PLCL1: variants seen among roughly 807,000 people sequenced by gnomAD.
PLCL1 encodes inactive phospholipase C-like protein 1.
A neutral mutation model predicts 84.4 loss-of-function variants in PLCL1; 41 were observed. The observed-to-expected ratio is 0.49, with a 90% confidence interval of 0.38 to 0.63. The LOEUF is 0.63. PLCL1 is among the 30% of genes least tolerant of loss of function. The probability of loss-of-function intolerance (pLI) is 0.00; values close to 1 mark genes in which losing one functional copy is unlikely to be tolerated. For synonymous variants in PLCL1, 490 were observed against 488.3 expected, an observed-to-expected ratio of 1.00 and a Z score of -0.05; for missense variants, 1,206 against 1,367.8, an observed-to-expected ratio of 0.88 and a Z score of 1.87.
At chr2:198,123,671 C>A (rs1009861858) in intron 5 of PLCL1, among the ~76,000 whole-genome samples, 5 of 152,100 alleles carry the variant, frequency 3.3e-5, no homozygotes, top group Admixed American at 6.5e-5. Context: ...ACAGAGCAAA[C>A]CTCGCTCCGT....
chr2:197,989,669 A>G lies in PLCL1; in HGVS notation c.241-94089A>G, dbSNP rs1330995619. Among the ~76,000 whole-genome samples, 4 of 152,084 alleles carry G rather than the reference A, an allele frequency of 2.6e-5. No homozygotes were observed. In the East Asian group the frequency reaches 7.7e-4, roughly 29 times the overall value. On this transcript the variant is annotated intron_variant, in intron 1 of 5. Transcript: ENST00000428675. ...CTGTGAGCTGAGATCGCACCATTGCACTCCAGCCTGGGCAACAGAGTGAGA... is the reference window on the plus strand; with the variant it reads ...CTGTGAGCTGAGATCGCACCATTGCGCTCCAGCCTGGGCAACAGAGTGAGA...
At chr2:197,979,724 T>G (rs1018759957) in intron 1 of PLCL1, among the ~76,000 whole-genome samples, 7 of 152,220 alleles carry the variant, frequency 4.6e-5, no homozygotes, top group Non-Finnish European at 1.0e-4. Flanking sequence ...CCAGCCACAT[T>G]GAGATTTTCA....
chr2:197,974,907 C>T (rs7563170), intron 1 of PLCL1, among the ~76,000 whole-genome samples: 72,732 of 151,672 alleles, frequency 0.48, 17,850 homozygotes, highest in Middle Eastern at 0.58. Flanking sequence ...TTTGGGAGGC[C>T]GAGGCGGGTG....
intron 1 of PLCL1, among the ~76,000 whole-genome samples, chr2:197,919,479 C>G (rs1688665339): frequency 6.6e-6 from 1 of 152,226 alleles, no homozygotes; most frequent in African/African-American, 2.4e-5. Context: ...ACCTCCTTGA[C>G]AATTCTAATG....
intron 1 of PLCL1, among the ~76,000 whole-genome samples, chr2:197,887,625 C>A (rs941843775): frequency 6.6e-6 from 1 of 152,036 alleles, no homozygotes; most frequent in African/African-American, 2.4e-5. Context: ...TTCAGAGGTA[C>A]AAGCACAGTT....
chr2:197,936,894 C>T (rs1422828733), intron 1 of PLCL1, among the ~76,000 whole-genome samples: 2 of 152,078 alleles, frequency 1.3e-5, no homozygotes. Flanking sequence ...GTGTTTTCTG[C>T]TAGTAGTTTT....
intron 1 of PLCL1, among the ~76,000 whole-genome samples, chr2:197,933,144 ATTCT>A (rs1444657956): frequency 2.0e-5 from 3 of 151,864 alleles, no homozygotes; most frequent in Non-Finnish European, 4.4e-5. Context: ...ATCCTAGTTG[ATTCT>A]TAATTATTCA....
At chr2:197,817,708 G>A (rs561716851) in intron 1 of PLCL1, among the ~76,000 whole-genome samples, 1 of 152,224 alleles carries the variant, frequency 6.6e-6, no homozygotes, top group East Asian at 1.9e-4. Flanking sequence ...TAGCTGTTAA[G>A]CTTGACCAGT....
chr2:197,891,988 G>A (rs1293899749), intron 1 of PLCL1, among the ~76,000 whole-genome samples: 1 of 152,128 alleles, frequency 6.6e-6, no homozygotes, highest in Non-Finnish European at 1.5e-5. Context: ...TTCTTTACAC[G>A]TGAGTGTGCT....
chr2:197,814,659 G>A (rs1398536230), intron 1 of PLCL1, among the ~76,000 whole-genome samples: 4 of 152,198 alleles, frequency 2.6e-5, no homozygotes, highest in African/African-American at 9.6e-5. Flanking sequence ...GAGATAGGCT[G>A]AAAGGTAGGC....
intron 1 of PLCL1, among the ~76,000 whole-genome samples, chr2:197,866,579 G>C (rs931967965): frequency 1.3e-5 from 2 of 151,994 alleles, no homozygotes; most frequent in Non-Finnish European, 2.9e-5. Flanking sequence ...GTTCATTCTA[G>C]GGAATTAATA....
chr2:198,088,254 A>G (rs1445540310), intron 2 of PLCL1, among the ~76,000 whole-genome samples: 1 of 152,222 alleles, frequency 6.6e-6, no homozygotes, highest in Non-Finnish European at 1.5e-5. Context: ...CAGAAGAAAA[A>G]TGAAGGTGAT....
chr2:197,856,291 C>A (rs935919137), intron 1 of PLCL1, among the ~76,000 whole-genome samples: 16 of 152,144 alleles, frequency 1.1e-4, no homozygotes, highest in African/African-American at 3.6e-4. Context: ...TCCAACCATG[C>A]TTATTGTAAA....
chr2:198,079,932 A>G (rs1692669884), intron 1 of PLCL1, among the ~76,000 whole-genome samples: 1 of 152,224 alleles, frequency 6.6e-6, no homozygotes, highest in African/African-American at 2.4e-5. Context: ...AATAAATTTA[A>G]AGCGTTTGTT....
intron 1 of PLCL1, among the ~76,000 whole-genome samples, chr2:197,908,948 A>T (rs1228814440): frequency 6.6e-6 from 1 of 152,222 alleles, no homozygotes; most frequent in East Asian, 1.9e-4. Flanking sequence ...TTCAAGATTG[A>T]TGATAATGGT....
intron 2 of PLCL1, among the ~76,000 whole-genome samples, chr2:198,087,533 A>C (rs2105900605): frequency 6.6e-6 from 1 of 152,310 alleles, no homozygotes; most frequent in East Asian, 1.9e-4. Context: ...GATAGATAAT[A>C]AATTTGAAAA....
chr2:197,963,206 A>G (rs572832179), intron 1 of PLCL1, among the ~76,000 whole-genome samples: 3 of 151,936 alleles, frequency 2.0e-5, no homozygotes, highest in South Asian at 2.1e-4. Flanking sequence ...TGTACCACCT[A>G]TGGATGAAGG....
At chr2:197,908,772 T>C (rs1688430891) in intron 1 of PLCL1, among the ~76,000 whole-genome samples, 1 of 152,352 alleles carries the variant, frequency 6.6e-6, no homozygotes, top group Middle Eastern at 3.4e-3. Flanking sequence ...TGATATTGTC[T>C]GAAATAATGC....
chr2:197,913,752 T>C (rs1356731895), intron 1 of PLCL1, among the ~76,000 whole-genome samples: 1 of 152,166 alleles, frequency 6.6e-6, no homozygotes, highest in Non-Finnish European at 1.5e-5. Context: ...TCAATTAACT[T>C]TTTACCAGAA....
Sources: gnomAD v4.1 joint callset for allele counts (sites outside exome capture counted in the v4.1 genomes callset) on GRCh38, gnomAD v4.1.1 for gene constraint, MANE v1.5 for transcripts, NCBI Gene and HGNC (gene_info 2026-07-23, HGNC 2026-07-21) for gene names.